RAPGEF4: variants seen among roughly 807,000 people sequenced by gnomAD.
RAPGEF4 encodes the protein RAP guanine-nucleotide-exchange factor (GEF) 4.
In RAPGEF4, 66 loss-of-function variants were observed where a neutral mutation model predicts 147.9. The observed-to-expected ratio is 0.45, with a 90% CI of 0.37 to 0.55. The LOEUF (loss-of-function observed/expected upper bound fraction) is 0.55, where lower values mean the gene tolerates loss of function less well. RAPGEF4 is among the 20% of genes least tolerant of loss of function. The pLI is 0.00. For synonymous variants in RAPGEF4, 419 were observed against 442.7 expected, an observed-to-expected ratio of 0.95 and a Z score of 0.67; for missense variants, 1,071 against 1,257.3, an observed-to-expected ratio of 0.85 and a Z score of 2.24.
chr2:172,840,430 A>G (rs1464359725), intron 4 of RAPGEF4, among the ~76,000 whole-genome samples: 1 of 152,226 alleles, frequency 6.6e-6, no homozygotes, highest in Non-Finnish European at 1.5e-5. Context: ...ACATCTGCAC[A>G]ACGCCTATTC....
At chr2:172,947,237 T>C (rs1344579645) in intron 6 of RAPGEF4, among the ~76,000 whole-genome samples, 1 of 152,232 alleles carries the variant, frequency 6.6e-6, no homozygotes, top group Non-Finnish European at 1.5e-5. Context: ...TAGGAAAATA[T>C]ATGCTTTGGC....
chr2:172,910,294 T>G (rs1009592744), intron 4 of RAPGEF4, among the ~76,000 whole-genome samples: 36 of 152,310 alleles, frequency 2.4e-4, no homozygotes, highest in African/African-American at 7.9e-4. Context: ...TTGCACCCCA[T>G]GAACACAAAT....
At chr2:172,769,765 C>A (rs539485723) in intron 1 of RAPGEF4, among the ~76,000 whole-genome samples, 2 of 152,080 alleles carry the variant, frequency 1.3e-5, no homozygotes, top group African/African-American at 4.8e-5. Context: ...AGATAAATGA[C>A]AAATAATTTT....
chr2:173,013,403 C>A (rs1695205327), intron 17 of RAPGEF4, among the ~76,000 whole-genome samples: 1 of 152,184 alleles, frequency 6.6e-6, no homozygotes, highest in Non-Finnish European at 1.5e-5. Context: ...TCAGTTTGTT[C>A]ACTTATAGAA....
intron 5 of RAPGEF4, among the ~76,000 whole-genome samples, chr2:172,921,143 C>A (rs1448196549): frequency 6.6e-6 from 1 of 151,472 alleles, no homozygotes; most frequent in African/African-American, 2.4e-5. Context: ...TAGTCAGGGT[C>A]TCACTCTGTC....
intron 6 of RAPGEF4, among the ~76,000 whole-genome samples, chr2:172,936,545 T>C (rs1217409483): frequency 1.3e-5 from 2 of 152,146 alleles, no homozygotes; most frequent in Non-Finnish European, 2.9e-5. Flanking sequence ...TAATATTGTC[T>C]CAACCGTAAT....
chr2:172,904,083 T>C (rs779992342), intron 4 of RAPGEF4, among the ~76,000 whole-genome samples: 5 of 152,248 alleles, frequency 3.3e-5, no homozygotes, highest in Non-Finnish European at 5.9e-5. Flanking sequence ...AAATGATCAG[T>C]GCATCCTAAT....
intron 22 of RAPGEF4, among the ~76,000 whole-genome samples, chr2:173,019,952 A>G (rs1470229196): frequency 6.6e-6 from 1 of 152,052 alleles, no homozygotes; most frequent in African/African-American, 2.4e-5. Flanking sequence ...TATTGTTGGC[A>G]TCTCCCACTA....
intron 20 of RAPGEF4, 25 bp downstream of exon 20, chr2:173,017,229 C>G: frequency 6.2e-7 from 1 of 1,605,066 alleles, no homozygotes. Flanking sequence ...CTTGCATTCT[C>G]TGTCTGTGTC....
chr2:173,007,761 A>G, intron 17 of RAPGEF4, among the ~76,000 whole-genome samples: 1 of 152,192 alleles, frequency 6.6e-6, no homozygotes, highest in East Asian at 1.9e-4. Flanking sequence ...AACATGCCAT[A>G]TGAAGGAAGA....
chr2:172,975,771 A>G (rs1690999199), intron 10 of RAPGEF4, among the ~76,000 whole-genome samples: 1 of 152,238 alleles, frequency 6.6e-6, no homozygotes, highest in Non-Finnish European at 1.5e-5. Context: ...TTCATCCTCA[A>G]AGGCAAGCAG....
chr2:172,872,271 T>C (rs1406077374), intron 4 of RAPGEF4, among the ~76,000 whole-genome samples: 1 of 152,198 alleles, frequency 6.6e-6, no homozygotes, highest in Non-Finnish European at 1.5e-5. Flanking sequence ...GGCTTATCTG[T>C]GACGAACTAT....
At chr2:173,037,226 T>C (rs949411348) in intron 29 of RAPGEF4, among the ~76,000 whole-genome samples, 3 of 152,238 alleles carry the variant, frequency 2.0e-5, no homozygotes, top group Non-Finnish European at 4.4e-5. Context: ...TTTATATATT[T>C]ACTTATTGTT....
intron 15 of RAPGEF4, among the ~76,000 whole-genome samples, chr2:172,996,224 C>T (rs1017311671): frequency 6.6e-6 from 1 of 152,086 alleles, no homozygotes; most frequent in Non-Finnish European, 1.5e-5. Flanking sequence ...AGAAGTTTAC[C>T]TTATTTCCAT....
chr2:172,787,129 T>G (rs903106874), intron 1 of RAPGEF4, among the ~76,000 whole-genome samples: 6 of 152,088 alleles, frequency 3.9e-5, no homozygotes, highest in African/African-American at 1.4e-4. Flanking sequence ...GGAGAATTGC[T>G]TAAACCTGGG....
At chr2:172,953,870 T>C (rs1246584809) in intron 6 of RAPGEF4, among the ~76,000 whole-genome samples, 1 of 152,148 alleles carries the variant, frequency 6.6e-6, no homozygotes, top group Non-Finnish European at 1.5e-5. Context: ...ATTTATTCTT[T>C]TGACTGGTCA....
intron 4 of RAPGEF4, among the ~76,000 whole-genome samples, chr2:172,832,386 C>T (rs1343067584): frequency 1.3e-5 from 2 of 152,022 alleles, no homozygotes; most frequent in African/African-American, 4.8e-5. Flanking sequence ...ATTTGTGGGG[C>T]CCAGTGCGAA....
intron 17 of RAPGEF4, among the ~76,000 whole-genome samples, chr2:173,008,088 G>A (rs967447146): frequency 6.6e-6 from 1 of 152,018 alleles, no homozygotes; most frequent in Non-Finnish European, 1.5e-5. Flanking sequence ...TGCTGTTCTC[G>A]TGATAGTGAG....
intron 27 of RAPGEF4, among the ~76,000 whole-genome samples, chr2:173,035,481 A>G (rs1406120875): frequency 1.3e-5 from 2 of 150,718 alleles, no homozygotes; most frequent in Middle Eastern, 3.5e-3. Flanking sequence ...ACTGCACTCC[A>G]GCCTGGGTGA....
Sources: allele counts gnomAD v4.1 joint callset (sites outside exome capture counted in the v4.1 genomes callset), GRCh38; gene constraint gnomAD v4.1.1; transcripts MANE v1.5; gene names NCBI Gene and HGNC (gene_info 2026-07-23, HGNC 2026-07-21).